The following ABL1 variants were observed in gnomAD, a reference collection of about 807,000 sequenced individuals.
ABL1 encodes tyrosine-protein kinase ABL1.
In ABL1, 11 loss-of-function variants were observed where a neutral mutation model predicts 94.7. The ratio of observed to expected loss-of-function variants is 0.12; its 90% CI spans 0.07 to 0.19. The LOEUF (loss-of-function observed/expected upper bound fraction) is 0.19, where lower values mean the gene tolerates loss of function less well. Among genes scored for constraint, ABL1 ranks in the 10% least tolerant of loss-of-function variants. The pLI is 1.00. For synonymous variants in ABL1, 656 were observed against 622.4 expected (o/e 1.05, Z -0.80); for missense variants, 1,082 against 1,489.4 (o/e 0.73, Z 4.50).
Position 130,863,091 on chromosome 9 carries a change from A to G in ABL1, c.822+56A>G. The G allele has an allele frequency of 1.8e-5, 28 of 1,514,014 alleles. No homozygotes were observed. The highest frequency in any genetic ancestry group is 2.1e-5 in the Admixed American group (1 of 47,558). The allele number at this position is 1,514,014 out of a possible 1,614,324, so 93.8% of individuals were successfully genotyped here. ...TACGTGGGGCAAGGCGTCTGCTGGC[A>G]TTAGGCGATGCATCTGCCTGGAAGT... is the stretch of plus-strand genomic sequence containing the variant. On this transcript the variant is annotated intron_variant, in intron 4 of 10. Transcript: ENST00000318560. This position sits in a 1 kb window ranked among gnomAD's most constrained non-coding sequence, Gnocchi z 4.3.
chr9:130,725,824 G>GTTTGTTTT (rs1831574463), intron 1 of ABL1, among the ~76,000 whole-genome samples: 1 of 76,002 alleles, frequency 1.3e-5, no homozygotes, highest in African/African-American at 6.5e-5. Context: ...GTGTATGGTG[G>GTTTGTTTT]TTTTTTTTTT....
At chr9:130,737,323 A>G (rs923940232) in intron 1 of ABL1, among the ~76,000 whole-genome samples, 3 of 152,174 alleles carry the variant, frequency 2.0e-5, no homozygotes, top group Non-Finnish European at 4.4e-5. Context: ...GCTGGAGTGC[A>G]GTGGCGTCAT....
chr9:130,804,708 A>T (rs924119925), intron 1 of ABL1, among the ~76,000 whole-genome samples: 6 of 152,250 alleles, frequency 3.9e-5, no homozygotes, highest in Non-Finnish European at 8.8e-5. Flanking sequence ...ATCCTACTGG[A>T]CCTATAAAAC....
intron 1 of ABL1, among the ~76,000 whole-genome samples, chr9:130,798,984 A>AAAAAAAAAAAT (rs1830019024): frequency 6.6e-6 from 1 of 151,120 alleles, no homozygotes. Flanking sequence ...AAAAAAAAAA[A>AAAAAAAAAAAT]GAATTGGAAG....
At chr9:130,717,177 G>A (rs1459459306) in intron 1 of ABL1, among the ~76,000 whole-genome samples, 1 of 151,922 alleles carries the variant, frequency 6.6e-6, no homozygotes, top group African/African-American at 2.4e-5. Flanking sequence ...TGAGTAGCTG[G>A]GATTACAGGC....
chr9:130,723,078 T>C (rs1037035954), intron 1 of ABL1, among the ~76,000 whole-genome samples: 1 of 152,192 alleles, frequency 6.6e-6, no homozygotes, highest in Non-Finnish European at 1.5e-5. Context: ...GCATATTTTC[T>C]GTGACTAGGG....
intron 4 of ABL1, among the ~76,000 whole-genome samples, chr9:130,869,177 A>AT (rs1307675554): frequency 6.7e-6 from 1 of 148,850 alleles, no homozygotes; most frequent in Admixed American, 6.7e-5. Flanking sequence ...AAAAAAAAAA[A>AT]GAAAATACCT....
intron 1 of ABL1, among the ~76,000 whole-genome samples, chr9:130,824,371 A>G (rs141758192): frequency 1.3e-5 from 2 of 152,156 alleles, no homozygotes; most frequent in East Asian, 3.9e-4. Context: ...TTTTGTTCTA[A>G]TCAGGCCCTC....
rs1368288944 is a variant in ABL1, at chr9:130,862,904, A to G, written c.691A>G (p.Asn231Asp). ...NKPTVYGVSP[N>D]YDKWEMERTD... Reference sequence around the variant, plus strand: ...GCCCACTGTCTATGGTGTGTCCCCCAACTACGACAAGTGGGAGATGGAACG... The same window carrying G: ...GCCCACTGTCTATGGTGTGTCCCCCGACTACGACAAGTGGGAGATGGAACG... Residue 231 changes from asparagine to aspartate, a missense_variant, in exon 4 of 11, where the codon AAC becomes GAC. This residue lies in a region of ABL1 where 92 missense variants were observed against 212.3 expected (regional missense o/e 0.43). Transcript: ENST00000318560. This position sits in a 1 kb window ranked among gnomAD's most constrained non-coding sequence, Gnocchi z 5.5. The G allele has an allele frequency of 1.2e-6, 2 of 1,614,040 alleles. No homozygotes were observed. The highest frequency in any genetic ancestry group is 2.7e-5 in the African/African-American group (2 of 74,896).
chr9:130,856,648 A>G (rs1381361528), intron 3 of ABL1, among the ~76,000 whole-genome samples: 1 of 152,240 alleles, frequency 6.6e-6, no homozygotes, highest in African/African-American at 2.4e-5. Flanking sequence ...CACTGGTACT[A>G]GTTCCTTCTA....
intron 1 of ABL1, among the ~76,000 whole-genome samples, chr9:130,807,280 A>G (rs111886480): frequency 0.036 from 5,450 of 151,970 alleles, 315 homozygotes; most frequent in African/African-American, 0.12. Context: ...ATGCAGTCTC[A>G]CTCTGTTGAC....
chr9:130,730,129 C>T (rs543021862), intron 1 of ABL1, among the ~76,000 whole-genome samples: 6 of 148,876 alleles, frequency 4.0e-5, no homozygotes, highest in African/African-American at 5.0e-5. Context: ...CCGCTACCTC[C>T]GCCTCCTGGG....
intron 3 of ABL1, among the ~76,000 whole-genome samples, chr9:130,858,986 G>C (rs1831018929): frequency 6.6e-6 from 1 of 152,138 alleles, no homozygotes; most frequent in African/African-American, 2.4e-5. Flanking sequence ...ACTCTTGAAG[G>C]GGCCAATACT....
chr9:130,807,633 T>G (rs1830143440), intron 1 of ABL1, among the ~76,000 whole-genome samples: 1 of 148,534 alleles, frequency 6.7e-6, no homozygotes, highest in Admixed American at 6.8e-5. Flanking sequence ...TTGTAAAGGA[T>G]GTATTTTCCA....
At chr9:130,785,341 T>C (rs1438649747) in intron 1 of ABL1, among the ~76,000 whole-genome samples, 1 of 152,128 alleles carries the variant, frequency 6.6e-6, no homozygotes, top group Non-Finnish European at 1.5e-5. Context: ...GCAGGGAGTT[T>C]CTCCACCACG....
intron 1 of ABL1, among the ~76,000 whole-genome samples, chr9:130,743,141 C>G (rs886634808): frequency 1.5e-4 from 23 of 152,142 alleles, no homozygotes; most frequent in Non-Finnish European, 2.9e-5. Flanking sequence ...GGCGTGATAT[C>G]GGCTCACTGC....
chr9:130,786,386 T>G (rs1488353167), intron 1 of ABL1, among the ~76,000 whole-genome samples: 1 of 152,224 alleles, frequency 6.6e-6, no homozygotes, highest in Non-Finnish European at 1.5e-5. Context: ...TGGCTGTGTG[T>G]GAGTTTGACC....
intron 1 of ABL1, among the ~76,000 whole-genome samples, chr9:130,756,026 C>T (rs1367235679): frequency 6.6e-6 from 1 of 152,092 alleles, no homozygotes; most frequent in South Asian, 2.1e-4. Flanking sequence ...GACTTGATAG[C>T]ATAGTAGATG....
chr9:130,859,677 CTTTTTTTTTTTTTT>C lies in ABL1; in HGVS notation c.550-3070_550-3057del, dbSNP rs869234280. Among the ~76,000 whole-genome samples, 471 of 78,444 alleles carry C rather than the reference CTTTTTTTTTTTTTT, an allele frequency of 6.0e-3. 5 individuals are homozygous for C. Among genetic ancestry groups the C allele is most frequent in the Non-Finnish European group, 8.9e-3 (389 of 43,490 alleles). 51.5% of individuals were successfully genotyped at this position (78,444 alleles called of 152,430 possible). Reference sequence around the variant, plus strand: ...AAACGCTGTTTCTTTTCTTTCTTTCCTTTTTTTTTTTTTTTTTTTTTTTTTTTTTGAGACAGGCT... The same window carrying C: ...AAACGCTGTTTCTTTTCTTTCTTTCCTTTTTTTTTTTTTTTGAGACAGGCT... On this transcript the variant is annotated intron_variant, in intron 3 of 10. Coordinates refer to ENST00000318560, the MANE Select transcript of ABL1 (RefSeq NM_005157.6).
Sources: allele counts gnomAD v4.1 joint callset (sites outside exome capture counted in the v4.1 genomes callset), GRCh38; gene constraint gnomAD v4.1.1; regional missense constraint gnomAD v4.1.1; non-coding constraint Gnocchi (gnomAD v3.1); transcripts MANE v1.5; gene names NCBI Gene and HGNC (gene_info 2026-07-23, HGNC 2026-07-21).